Variants in ATP2B2 observed in about 807,000 individuals in gnomAD.
The protein encoded by ATP2B2 is ATPase plasma membrane Ca2+ transporting 2.
In ATP2B2, 15 loss-of-function variants were observed where a neutral mutation model predicts 120.0. That is an observed-to-expected ratio of 0.12 (90% CI 0.08 to 0.19). ATP2B2 has a LOEUF of 0.19. ATP2B2 is among the 10% of genes least tolerant of loss of function. ATP2B2 has a pLI of 1.00. For missense variants in ATP2B2, 1,045 were observed against 1,719.8 expected (o/e 0.61, Z 6.94); for synonymous variants, 694 against 700.3 (o/e 0.99, Z 0.14).
At chr3:10,408,554 C>A (rs971509709) in intron 3 of ATP2B2, among the ~76,000 whole-genome samples, 3 of 152,128 alleles carry the variant, frequency 2.0e-5, no homozygotes, top group Admixed American at 2.0e-4. Flanking sequence ...CCAGGGGCGG[C>A]CTGAGCTAGT....
upstream of ATP2B2, among the ~76,000 whole-genome samples, chr3:10,507,057 A>C (rs1413930412): frequency 2.6e-5 from 4 of 152,212 alleles, no homozygotes; most frequent in East Asian, 7.8e-4. Flanking sequence ...AAGGGTGCCC[A>C]CCTGCCCCTT....
At chr3:10,575,621 C>T (rs2125551426) in intron 2 of ATP2B2, among the ~76,000 whole-genome samples, 1 of 152,314 alleles carries the variant, frequency 6.6e-6, no homozygotes, top group East Asian at 1.9e-4. Flanking sequence ...CTTGAGAAGA[C>T]TTAGCTGGCA....
At chr3:10,390,086 G>T (rs1376831723) in intron 5 of ATP2B2, among the ~76,000 whole-genome samples, 1 of 152,132 alleles carries the variant, frequency 6.6e-6, no homozygotes, top group Non-Finnish European at 1.5e-5. Flanking sequence ...TCAGATGGGG[G>T]AGTAAGAATT....
rs189551337 is a variant in ATP2B2, at chr3:10,546,243, C to T, written c.-414-12110G>A. The stretch of plus-strand genomic sequence containing the variant: ...ACTGCCCCCTGGAGCTGGGATTCTG[C>T]GCAATAAGACCCCATCTGCCTGACT... On this transcript the variant is annotated intron_variant, in intron 2 of 21. Coordinates refer to the ATP2B2 transcript ENST00000646379. Among the ~76,000 whole-genome samples, 31 of 152,248 alleles carry T rather than the reference C, an allele frequency of 2.0e-4. No homozygotes were observed. In the East Asian group the frequency reaches 2.7e-3, roughly 13 times the overall value.
At chr3:10,337,962 G>A (rs2060170164) in intron 22 of ATP2B2, among the ~76,000 whole-genome samples, 1 of 152,168 alleles carries the variant, frequency 6.6e-6, no homozygotes, top group South Asian at 2.1e-4. Context: ...GCCCTGAGAG[G>A]GCACAATGGG....
chr3:10,632,244 A>C (rs1475682101), intron 1 of ATP2B2, among the ~76,000 whole-genome samples: 1 of 151,956 alleles, frequency 6.6e-6, no homozygotes, highest in Non-Finnish European at 1.5e-5. Flanking sequence ...TGGATCTCAC[A>C]CTCCCTATAA....
chr3:10,669,558 C>T (rs189070473), intron 1 of ATP2B2, among the ~76,000 whole-genome samples: 56 of 152,304 alleles, frequency 3.7e-4, no homozygotes, highest in Admixed American at 5.9e-4. Flanking sequence ...AGGAGCTGGG[C>T]CCCTCCCGTA....
chr3:10,593,080 C>T (rs1403379030), intron 2 of ATP2B2, among the ~76,000 whole-genome samples: 1 of 152,192 alleles, frequency 6.6e-6, no homozygotes, highest in Non-Finnish European at 1.5e-5. Flanking sequence ...ACCACCACGC[C>T]CAGCCCATTT....
At chr3:10,477,345 AT>A (rs1378784299) in intron 1 of ATP2B2, among the ~76,000 whole-genome samples, 1 of 152,186 alleles carries the variant, frequency 6.6e-6, no homozygotes, top group Non-Finnish European at 1.5e-5. Flanking sequence ...GTCTATGAGC[AT>A]TCTCAATTTA....
At chr3:10,532,032 T>C (rs937518723) in intron 3 of ATP2B2, among the ~76,000 whole-genome samples, 1 of 151,812 alleles carries the variant, frequency 6.6e-6, no homozygotes, top group African/African-American at 2.4e-5. Flanking sequence ...TCTGGCCCTT[T>C]CTGATGTGCC....
rs191157732 is a variant in ATP2B2, at chr3:10,325,949, T to C, written c.*2865A>G. On this transcript the variant is annotated 3_prime_UTR_variant, in exon 23 of 23. Coordinates refer to ENST00000360273, the MANE Select transcript of ATP2B2 (RefSeq NM_001001331.4). ...AAAAAAGTATACATTACAGATATAT[T>C]TACTATGTTCTGTTTGATGTTGTTT... The C allele has an allele frequency of 6.6e-6, 1 of 152,324 alleles. No homozygotes were observed. The highest frequency in any genetic ancestry group is 1.9e-4 in the East Asian group (1 of 5,192). The allele number at this position is 152,324 out of a possible 1,614,324, so 9.4% of individuals were successfully genotyped here. A position where few individuals can be genotyped will look rare whatever the true frequency, so the allele number is the denominator to read the frequency against.
intron 2 of ATP2B2, among the ~76,000 whole-genome samples, chr3:10,540,865 T>C (rs1011572601): frequency 4.0e-5 from 6 of 150,064 alleles, no homozygotes; most frequent in African/African-American, 1.5e-4. Context: ...ACTTAAAATA[T>C]AATTAAAAAA....
At chr3:10,371,529 C>A (rs1575043338) in intron 12 of ATP2B2, among the ~76,000 whole-genome samples, 1 of 152,190 alleles carries the variant, frequency 6.6e-6, no homozygotes, top group South Asian at 2.1e-4. Context: ...AGCAAAAGCA[C>A]ACTAATGAAT....
intron 2 of ATP2B2, among the ~76,000 whole-genome samples, chr3:10,577,652 C>T (rs781038248): frequency 7.9e-5 from 12 of 152,206 alleles, no homozygotes; most frequent in Admixed American, 5.2e-4. Context: ...TCAGAGAAGG[C>T]CCTGGGCTGC....
At chr3:10,704,977 G>A (rs551461685) in intron 1 of ATP2B2, among the ~76,000 whole-genome samples, 1 of 152,270 alleles carries the variant, frequency 6.6e-6, no homozygotes, top group Non-Finnish European at 1.5e-5. Flanking sequence ...CCTTAAGTAG[G>A]TTAATATTTC....
chr3:10,388,493 G>C (rs2061749451), intron 5 of ATP2B2, 91 bp from the exon 6 acceptor site: 52 of 1,581,904 alleles, frequency 3.3e-5, no homozygotes, highest in Non-Finnish European at 4.2e-5. Context: ...TCAGCTCCTG[G>C]CTCTTTGCCT....
chr3:10,518,776 C>G (rs1022956399), intron 3 of ATP2B2, among the ~76,000 whole-genome samples: 1 of 152,238 alleles, frequency 6.6e-6, no homozygotes, highest in Non-Finnish European at 1.5e-5. Context: ...CTGCCCTGCC[C>G]CGGGCCCCGC....
intron 8 of ATP2B2, 138 bp downstream of exon 8, chr3:10,385,130 T>C: frequency 1.2e-6 from 1 of 860,700 alleles, no homozygotes. Context: ...CTGCCCCATG[T>C]GAGAAGGTGA....
chr3:10,379,929 C>G (rs2061486066), intron 8 of ATP2B2, among the ~76,000 whole-genome samples: 1 of 152,142 alleles, frequency 6.6e-6, no homozygotes, highest in Non-Finnish European at 1.5e-5. Flanking sequence ...CCAAGGATGA[C>G]CCCTTGCCCA....
Sources: allele counts gnomAD v4.1 joint callset (sites outside exome capture counted in the v4.1 genomes callset), GRCh38; gene constraint gnomAD v4.1.1; transcripts MANE v1.5; gene names NCBI Gene and HGNC (gene_info 2026-07-23, HGNC 2026-07-21).